RPL17: variants seen among roughly 807,000 people sequenced by gnomAD.
The protein encoded by RPL17 is ribosomal protein L17, also known as large ribosomal subunit protein uL22.
RPL17 carries 2 observed loss-of-function variants against 27.7 expected under a neutral mutation model. The observed-to-expected ratio is 0.07, with a 90% CI of 0.03 to 0.23. The LOEUF (loss-of-function observed/expected upper bound fraction) is 0.23, where lower values mean the gene tolerates loss of function less well. Ranked by LOEUF, RPL17 falls within the 10% of genes least tolerant of loss-of-function variation. The pLI, the probability that RPL17 is intolerant of heterozygous loss-of-function variation, is 1.00. For missense variants in RPL17, 141 were observed against 238.8 expected (o/e 0.59, Z 2.70); for synonymous variants, 76 against 75.5 (o/e 1.01, Z -0.03).
At position 49,492,052 on chromosome 18, in the gene RPL17, A is replaced by G. The variant is rs375192508; in HGVS notation, c.-14+406T>C. ...CTTTAAGAGCCCTCCTGTACGCAAC[A>G]CTCTTGTAGTAACGTGTTACGCCTC... On this transcript the variant is annotated intron_variant, in intron 1 of 6. Transcript: ENST00000580261. The G allele has an allele frequency of 1.4e-3, 382 of 268,210 alleles. 6 individuals are homozygous for G. The highest frequency in any genetic ancestry group is 0.014 in the South Asian group (365 of 26,008). 16.6% of individuals were successfully genotyped at this position (268,210 alleles called of 1,614,324 possible).
chr18:49,492,160 C>A (rs2084161257), intron 1 of RPL17: 1 of 159,198 alleles, frequency 6.3e-6, no homozygotes, highest in South Asian at 1.6e-4. Context: ...GGAGTCCGCA[C>A]GGACCCCAGG....
intron 5 of RPL17, 75 bp from the exon 6 acceptor site, chr18:49,489,625 A>G: frequency 6.8e-7 from 1 of 1,479,720 alleles, no homozygotes; most frequent in Non-Finnish European, 9.2e-7. Context: ...TCATTGCTAA[A>G]TATGAATTCC....
At chr18:49,492,170 G>A (rs932788425) in intron 1 of RPL17, 20 of 156,934 alleles carry the variant, frequency 1.3e-4, no homozygotes, top group Non-Finnish European at 1.8e-4. Flanking sequence ...CGGACCCCAG[G>A]CGGCCCGCAC....
chr18:49,491,777 A>G, intron 1 of RPL17, 193 bp from the exon 2 acceptor site: 1 of 795,556 alleles, frequency 1.3e-6, no homozygotes, highest in Non-Finnish European at 2.2e-6. Context: ...ATCTTCCAGT[A>G]ACTACAGCAC....
intron 1 of RPL17, chr18:49,492,038 C>T: frequency 6.1e-6 from 2 of 326,670 alleles, no homozygotes; most frequent in South Asian, 2.5e-5. Context: ...TTTAAGAGCC[C>T]TCCTGTACGC....
chr18:49,491,650 AGAT>A, intron 1 of RPL17, 66 bp from the exon 2 acceptor site: 1 of 1,567,528 alleles, frequency 6.4e-7, no homozygotes, highest in Non-Finnish European at 8.8e-7. Context: ...TATAAATATC[AGAT>A]GATTCGAACA....
rs1449461466 is a variant in RPL17, at chr18:49,489,198, T to A, written c.507+161A>T. 3 of 701,688 alleles carry A rather than the reference T, an allele frequency of 4.3e-6. No individual in the cohort carries two copies. In the African/African-American group the frequency reaches 5.4e-5, roughly 13 times the overall value. The allele number at this position is 701,688 out of a possible 1,614,324, so 43.5% of individuals were successfully genotyped here. A position where few individuals can be genotyped will look rare whatever the true frequency, so the allele number is the denominator to read the frequency against. Reference sequence around the variant, plus strand: ...TTACAGAAAACTTACCATTTATTATTAGTCAAGAAACAAACTTACAAAAGC... The same window carrying A: ...TTACAGAAAACTTACCATTTATTATAAGTCAAGAAACAAACTTACAAAAGC... On this transcript the variant is annotated intron_variant, in intron 6 of 6. Transcript: ENST00000580261.
intron 1 of RPL17, 157 bp from the exon 2 acceptor site, chr18:49,491,741 CCCA>C (rs766000814): frequency 2.4e-5 from 24 of 981,164 alleles, no homozygotes; most frequent in South Asian, 1.3e-4. Context: ...CATACTTTCC[CCCA>C]CCAAGGGCTT....
chr18:49,490,998 C>A (rs528368724), intron 3 of RPL17, 71 bp from the exon 4 acceptor site: 2 of 1,589,856 alleles, frequency 1.3e-6, no homozygotes, highest in African/African-American at 2.7e-5. Flanking sequence ...GTTAAATTTT[C>A]AATTTTCAGC....
chr18:49,488,551 G>T lies in RPL17; in HGVS notation c.523C>A (p.Leu175Met). The change falls in exon 7 of 7, where the codon CTG (leucine) becomes ATG (methionine). Residue 175 changes from leucine (L) to methionine (M), a missense_variant. Physicochemically the swap from Leu to Met is conservative, Grantham distance 15. Transcript: ENST00000580261. ...AQKKKISQKK[L>M]KKQKLMARE ...CGTGCCATAAGTTTTTGTTTCTTCAGTTTCTTCTGGGATATCTGGGGAAAG... is the reference window on the plus strand; with the variant it reads ...CGTGCCATAAGTTTTTGTTTCTTCATTTTCTTCTGGGATATCTGGGGAAAG... The T allele has an allele frequency of 1.3e-6, 2 of 1,565,718 alleles. No individual in the cohort carries two copies. The highest frequency in any genetic ancestry group is 1.8e-6 in the Non-Finnish European group (2 of 1,137,732).
Position 49,490,415 on chromosome 18 carries a change from A to C in RPL17, c.315+39T>G, listed in dbSNP as rs200497446. 113 of 1,602,306 alleles carry C rather than the reference A, an allele frequency of 7.1e-5. No homozygotes were observed. The East Asian group carries it at 1.2e-3, about 17-fold the overall frequency. On this transcript the variant is annotated intron_variant, in intron 5 of 6. Coordinates refer to ENST00000580261, the MANE Select transcript of RPL17 (RefSeq NM_001035006.5). ...TCTGAACAGCCAACATTAATTAAAC[A>C]ACCACCCAAGTTGCACAGGATGTTA... is the stretch of plus-strand genomic sequence containing the variant.
chr18:49,490,263 C>A (rs1292668808), intron 5 of RPL17, 191 bp downstream of exon 5: 3 of 594,920 alleles, frequency 5.0e-6, no homozygotes, highest in African/African-American at 1.9e-5. Flanking sequence ...TGGATCTTCA[C>A]AGAATTTTGC....
At chr18:49,491,012 T>C in intron 3 of RPL17, 85 bp from the exon 4 acceptor site, 1 of 1,583,586 alleles carries the variant, frequency 6.3e-7, no homozygotes, top group Non-Finnish European at 8.6e-7. Context: ...TTTCAGCTTT[T>C]CAAAATGTCG....
Position 49,491,352 on chromosome 18 carries a change from C to G in RPL17, c.81+53G>C, listed in dbSNP as rs376040334. On this transcript the variant is annotated intron_variant, in intron 3 of 6. Coordinates refer to ENST00000580261, the MANE Select transcript of RPL17 (RefSeq NM_001035006.5). ...CTAAGAAAGTCATCACTGCAGCTACCTTTTTTGAGTGGAACATGAGGAACT... is the reference window on the plus strand; with the variant it reads ...CTAAGAAAGTCATCACTGCAGCTACGTTTTTTGAGTGGAACATGAGGAACT... 2.7e-5 allele frequency: 43 copies of G among 1,613,426 alleles called. No homozygotes were observed. In the African/African-American group the frequency reaches 5.1e-4, roughly 19 times the overall value.
At chr18:49,491,301 A>AT in intron 3 of RPL17, 104 bp downstream of exon 3, 1 of 1,554,918 alleles carries the variant, frequency 6.4e-7, no homozygotes, top group Non-Finnish European at 8.9e-7. Context: ...GAATTTATTA[A>AT]TTTTCACGGT....
chr18:49,491,293 A>G lies in RPL17; in HGVS notation c.81+112T>C, dbSNP rs779222440. 8.5e-6 allele frequency: 13 copies of G among 1,528,510 alleles called. No individual in the cohort carries two copies. The African/African-American group carries it at 1.6e-4, about 19-fold the overall frequency. The allele number at this position is 1,528,510 out of a possible 1,614,324, so 94.7% of individuals were successfully genotyped here. The stretch of plus-strand genomic sequence containing the variant: ...CCTAAATATAAGGTGGCTGCTCAGA[A>G]TTTATTAATTTTCACGGTAAATCCA... On this transcript the variant is annotated intron_variant, in intron 3 of 6. Coordinates refer to ENST00000580261, the MANE Select transcript of RPL17 (RefSeq NM_001035006.5).
chr18:49,489,278 C>A (rs1332928519), intron 6 of RPL17, 81 bp downstream of exon 6: 2 of 1,475,504 alleles, frequency 1.4e-6, no homozygotes, highest in South Asian at 1.2e-5. Context: ...ATAGTTATTC[C>A]AAAGGTGTCC....
chr18:49,489,928 C>A (rs2083932951), intron 5 of RPL17, among the ~76,000 whole-genome samples: 1 of 152,088 alleles, frequency 6.6e-6, no homozygotes, highest in Non-Finnish European at 1.5e-5. Flanking sequence ...CAGTTCTGGC[C>A]CAGACCTTCA....
At chr18:49,489,230 A>C (rs2083879499) in intron 6 of RPL17, 129 bp downstream of exon 6, 1 of 982,890 alleles carries the variant, frequency 1.0e-6, no homozygotes, top group African/African-American at 2.1e-5. Context: ...AAGCCAAAAT[A>C]AGACAGGTGA....
Sources: gnomAD v4.1 joint callset for allele counts (sites outside exome capture counted in the v4.1 genomes callset) on GRCh38, gnomAD v4.1.1 for gene constraint, MANE v1.5 for transcripts, NCBI Gene and HGNC (gene_info 2026-07-23, HGNC 2026-07-21) for gene names.